Variants in RGL1 observed in about 807,000 individuals in gnomAD.
RGL1 encodes the protein ral guanine nucleotide dissociation stimulator like 1, also known as ral guanine nucleotide dissociation stimulator-like 1.
Under a neutral mutation model 95.2 loss-of-function variants are expected in RGL1, and 24 were observed. The ratio of observed to expected loss-of-function variants is 0.25; its 90% CI spans 0.18 to 0.35. RGL1 has a LOEUF of 0.35. RGL1 is among the 10% of genes least tolerant of loss of function. The probability of loss-of-function intolerance (pLI) is 1.00; values close to 1 mark genes in which losing one functional copy is unlikely to be tolerated. For missense variants in RGL1, 715 were observed against 936.3 expected (o/e 0.76, Z 3.08); for synonymous variants, 329 against 344.9 (o/e 0.95, Z 0.51).
At chr1:183,657,494 T>C (rs1226711214) in intron 1 of RGL1, among the ~76,000 whole-genome samples, 2 of 152,100 alleles carry the variant, frequency 1.3e-5, no homozygotes, top group African/African-American at 2.4e-5. Flanking sequence ...CCTGTGTCCA[T>C]GTGTTCTCAT....
chr1:183,846,849 C>T (rs1179015711), intron 2 of RGL1, among the ~76,000 whole-genome samples: 1 of 152,022 alleles, frequency 6.6e-6, no homozygotes, highest in East Asian at 1.9e-4. Context: ...CACTGCACTC[C>T]AGCCTGGGCG....
At chr1:183,913,966 A>C (rs1043850360) in intron 15 of RGL1, among the ~76,000 whole-genome samples, 12 of 152,242 alleles carry the variant, frequency 7.9e-5, no homozygotes, top group African/African-American at 2.9e-4. Context: ...TGCTCTCAAA[A>C]GGCATTTTTC....
chr1:183,915,681 G>A (rs896351907), intron 15 of RGL1, among the ~76,000 whole-genome samples: 5 of 152,218 alleles, frequency 3.3e-5, no homozygotes, highest in African/African-American at 1.2e-4. Context: ...GAATTAAAAT[G>A]GGATAAGATA....
chr1:183,842,483 A>G (rs1664128193), intron 2 of RGL1, among the ~76,000 whole-genome samples: 2 of 152,282 alleles, frequency 1.3e-5, no homozygotes, highest in South Asian at 4.2e-4. Context: ...TCTCATGCCA[A>G]AATCGATAAT....
chr1:183,642,815 T>C (rs1650016312), intron 1 of RGL1, among the ~76,000 whole-genome samples: 2 of 152,206 alleles, frequency 1.3e-5, no homozygotes, highest in South Asian at 4.1e-4. Flanking sequence ...CATAATAAAG[T>C]CACTATCTTA....
chr1:183,746,322 ACACACACATG>A (rs1296905987), intron 2 of RGL1, among the ~76,000 whole-genome samples: 1 of 152,124 alleles, frequency 6.6e-6, no homozygotes, highest in Non-Finnish European at 1.5e-5. Flanking sequence ...AGTTATACAC[ACACACACATG>A]CACACACATA....
rs199822144 is a variant in RGL1, at chr1:183,887,152, C to T, written c.952-1322C>T. On this transcript the variant is annotated intron_variant, in intron 7 of 17. Coordinates refer to ENST00000360851, the MANE Select transcript of RGL1 (RefSeq NM_001297671.3). ...TCAGAACATTTCTCTTGTTCTCTCTCTCTTCCCCTCCCTCCCTCCCTCTTT... is the reference window on the plus strand; with the variant it reads ...TCAGAACATTTCTCTTGTTCTCTCTTTCTTCCCCTCCCTCCCTCCCTCTTT... Among the ~76,000 whole-genome samples the T allele has an allele frequency of 1.7e-4, 24 of 142,570 alleles. No homozygotes were observed. In the East Asian group the frequency reaches 5.0e-3, roughly 30 times the overall value. 93.5% of individuals were successfully genotyped at this position (142,570 alleles called of 152,430 possible).
intron 3 of RGL1, among the ~76,000 whole-genome samples, chr1:183,855,083 C>T (rs1257476450): frequency 6.6e-6 from 1 of 152,098 alleles, no homozygotes; most frequent in Admixed American, 6.6e-5. Context: ...GCAGTAGGTG[C>T]TTAGGAACTA....
At chr1:183,922,365 C>G in intron 17 of RGL1, 29 bp downstream of exon 17, 1 of 1,543,212 alleles carries the variant, frequency 6.5e-7, no homozygotes, top group Non-Finnish European at 8.9e-7. Flanking sequence ...CAGGCATGTT[C>G]CTTCCCAGGG....
chr1:183,869,532 C>T (rs984321810), intron 4 of RGL1, among the ~76,000 whole-genome samples: 2 of 152,168 alleles, frequency 1.3e-5, no homozygotes, highest in Non-Finnish European at 2.9e-5. Context: ...TATAATGGGT[C>T]GCTCTGTCCT....
chr1:183,736,984 G>A (rs552597962), intron 1 of RGL1, among the ~76,000 whole-genome samples: 8 of 152,140 alleles, frequency 5.3e-5, no homozygotes, highest in Non-Finnish European at 7.4e-5. Context: ...AAAAAATAAC[G>A]ATTTGTGAGG....
chr1:183,847,478 C>A, intron 2 of RGL1, 88 bp from the exon 3 acceptor site: 2 of 1,039,006 alleles, frequency 1.9e-6, no homozygotes, highest in Non-Finnish European at 2.9e-6. Flanking sequence ...GGAAACATAA[C>A]AGGCTATGGC....
At chr1:183,845,173 A>G (rs944388709) in intron 2 of RGL1, among the ~76,000 whole-genome samples, 4 of 120,588 alleles carry the variant, frequency 3.3e-5, no homozygotes, top group African/African-American at 1.1e-4. Flanking sequence ...AATCTGACAT[A>G]AAACAATTAC....
At chr1:183,803,508 A>G (rs756421282), upstream of RGL1, among the ~76,000 whole-genome samples, 5 of 152,196 alleles carry the variant, frequency 3.3e-5, no homozygotes, top group Non-Finnish European at 7.4e-5. Context: ...GTGGCCAGCC[A>G]GGGAATTGGA....
At position 183,654,951 on chromosome 1, in the gene RGL1, G is replaced by A. The variant is rs149559718; in HGVS notation, c.-33+18450G>A. Among the ~76,000 whole-genome samples the A allele has an allele frequency of 4.8e-3, 732 of 152,268 alleles. 12 individuals are homozygous for A. Among genetic ancestry groups the A allele is most frequent in the Admixed American group, 0.036 (544 of 15,300 alleles). ...TAAACTTCATCAGGAGGAAATGAAA[G>A]GCCTTTACCATGGTTCCTGTTCACA... On this transcript the variant is annotated intron_variant, in intron 1 of 18. Coordinates refer to the RGL1 transcript ENST00000304685.
intron 7 of RGL1, among the ~76,000 whole-genome samples, chr1:183,885,705 A>T (rs1667068940): frequency 6.6e-6 from 1 of 152,220 alleles, no homozygotes; most frequent in Non-Finnish European, 1.5e-5. Flanking sequence ...TAGGGGACAT[A>T]CTAGGATAGA....
intron 2 of RGL1, among the ~76,000 whole-genome samples, chr1:183,821,216 C>T (rs565606101): frequency 1.3e-5 from 2 of 152,034 alleles, no homozygotes; most frequent in Non-Finnish European, 2.9e-5. Context: ...TTTTAAATTG[C>T]CTATGGCTAG....
intron 4 of RGL1, among the ~76,000 whole-genome samples, chr1:183,867,354 AGAAGTT>A (rs1665901861): frequency 4.2e-5 from 1 of 23,768 alleles, no homozygotes; most frequent in Admixed American, 7.7e-4. Context: ...AGGAGAAAAA[AGAAGTT>A]GTTGTGTCCC....
intron 2 of RGL1, among the ~76,000 whole-genome samples, chr1:183,822,375 C>A (rs1366614717): frequency 2.0e-5 from 3 of 151,946 alleles, no homozygotes; most frequent in South Asian, 2.1e-4. Flanking sequence ...AACTTGTAGA[C>A]TTAGATAGCA....
Sources: allele counts gnomAD v4.1 joint callset (sites outside exome capture counted in the v4.1 genomes callset), GRCh38; gene constraint gnomAD v4.1.1; transcripts MANE v1.5; gene names NCBI Gene and HGNC (gene_info 2026-07-23, HGNC 2026-07-21).